The following GFOD1 variants were observed in gnomAD, a reference collection of about 807,000 sequenced individuals.
The protein encoded by GFOD1 is glucose-fructose oxidoreductase domain-containing protein 1.
Under a neutral mutation model 25.4 loss-of-function variants are expected in GFOD1, and 9 were observed. The observed-to-expected ratio is 0.35, with a 90% CI of 0.21 to 0.62. The LOEUF (loss-of-function observed/expected upper bound fraction) is 0.62, where lower values mean the gene tolerates loss of function less well. Among genes scored for constraint, GFOD1 ranks in the 20% least tolerant of loss-of-function variants. GFOD1 has a pLI of 0.72. For synonymous variants in GFOD1, 253 were observed against 245.6 expected (o/e 1.03, Z -0.28); for missense variants, 403 against 556.9 (o/e 0.72, Z 2.78).
intron 1 of GFOD1, among the ~76,000 whole-genome samples, chr6:13,424,956 C>CTTTTTTTT (rs571287840): frequency 1.6e-5 from 2 of 123,900 alleles, no homozygotes; most frequent in African/African-American, 6.4e-5. Context: ...ACATTTAATT[C>CTTTTTTTT]TTTTTTTTTT....
chr6:13,367,029 AT>A (rs1785061670), intron 1 of GFOD1, among the ~76,000 whole-genome samples: 1 of 151,972 alleles, frequency 6.6e-6, no homozygotes, highest in Non-Finnish European at 1.5e-5. Context: ...AAAGTATACA[AT>A]ATAATCTTTT....
At chr6:13,395,862 C>T (rs889347665) in intron 1 of GFOD1, among the ~76,000 whole-genome samples, 1 of 152,296 alleles carries the variant, frequency 6.6e-6, no homozygotes, top group Admixed American at 6.5e-5. Context: ...CCACTCAGGC[C>T]GTGGTAGCCC....
Position 13,409,153 on chromosome 6 carries a change from G to GAAAGAAAGAAAA in GFOD1, c.254-43492_254-43491insTTTTCTTTCTTT. On this transcript the variant is annotated intron_variant, in intron 1 of 1. Coordinates refer to ENST00000379287, the MANE Select transcript of GFOD1 (RefSeq NM_018988.4). ...AGAAAGAAAGAAAGAAAGAAAGAGAGGAAAGAAAGAAAGGAAAGAGAGAGA... is the reference window on the plus strand; with the variant it reads ...AGAAAGAAAGAAAGAAAGAAAGAGAGAAAGAAAGAAAAGAAAGAAAGAAAGGAAAGAGAGAGA... Among the ~76,000 whole-genome samples the GAAAGAAAGAAAA allele has an allele frequency of 4.5e-5, 2 of 44,510 alleles. 1 individual carries two copies. The highest frequency in any genetic ancestry group is 6.2e-4 in the Admixed American group (2 of 3,212). The allele number at this position is 44,510 out of a possible 152,430, so 29.2% of individuals were successfully genotyped here.
intron 1 of GFOD1, among the ~76,000 whole-genome samples, chr6:13,479,319 A>G (rs570770816): frequency 6.6e-6 from 1 of 152,264 alleles, no homozygotes; most frequent in South Asian, 2.1e-4. Context: ...CTCTCATTTT[A>G]CTTATCACAC....
intron 1 of GFOD1, among the ~76,000 whole-genome samples, chr6:13,427,479 G>A (rs962676788): frequency 2.0e-5 from 3 of 152,004 alleles, no homozygotes; most frequent in African/African-American, 7.3e-5. Flanking sequence ...GGGCAATATG[G>A]TGAAATCTCA....
At chr6:13,457,468 G>A (rs1205396300) in intron 1 of GFOD1, among the ~76,000 whole-genome samples, 3 of 152,104 alleles carry the variant, frequency 2.0e-5, no homozygotes, top group Non-Finnish European at 2.9e-5. Context: ...CCCAACCCAG[G>A]GTCCTCCTGA....
At chr6:13,437,991 T>C (rs1757860085) in intron 1 of GFOD1, among the ~76,000 whole-genome samples, 1 of 152,054 alleles carries the variant, frequency 6.6e-6, no homozygotes, top group Non-Finnish European at 1.5e-5. Flanking sequence ...CAAAGAAAAA[T>C]ACAAACTATG....
chr6:13,463,014 GCT>G, intron 1 of GFOD1, among the ~76,000 whole-genome samples: 1 of 152,350 alleles, frequency 6.6e-6, no homozygotes, highest in South Asian at 2.1e-4. Flanking sequence ...GCAGAGAGCA[GCT>G]CTCTTTTCAA....
chr6:13,444,651 T>C (rs1757974669), intron 1 of GFOD1, among the ~76,000 whole-genome samples: 1 of 152,160 alleles, frequency 6.6e-6, no homozygotes, highest in East Asian at 1.9e-4. Context: ...ATATAGAACG[T>C]TTTATGTCTA....
At chr6:13,368,306 CT>C (rs573418315) in intron 1 of GFOD1, among the ~76,000 whole-genome samples, 6 of 152,200 alleles carry the variant, frequency 3.9e-5, no homozygotes, top group Non-Finnish European at 5.9e-5. Context: ...GCTGGTGCCC[CT>C]GATGGCCATG....
intron 1 of GFOD1, among the ~76,000 whole-genome samples, chr6:13,429,401 A>ACTATTGAATGCAATTGAATGC (rs1484220369): frequency 6.6e-6 from 1 of 152,244 alleles, no homozygotes; most frequent in African/African-American, 2.4e-5. Context: ...AGAACGACAA[A>ACTATTGAATGCAATTGAATGC]CTATTGAATG....
At chr6:13,477,893 A>G (rs995856291) in intron 1 of GFOD1, among the ~76,000 whole-genome samples, 4 of 151,914 alleles carry the variant, frequency 2.6e-5, no homozygotes, top group South Asian at 2.1e-4. Context: ...TGGCGACCCC[A>G]TCTCTATCAA....
chr6:13,434,634 C>T (rs1283010515), intron 1 of GFOD1, among the ~76,000 whole-genome samples: 1 of 152,028 alleles, frequency 6.6e-6, no homozygotes, highest in Admixed American at 6.6e-5. Context: ...GTGCAGGGTA[C>T]ATGGGAGCAC....
intron 1 of GFOD1, among the ~76,000 whole-genome samples, chr6:13,402,965 G>A (rs1388794802): frequency 6.6e-6 from 1 of 152,118 alleles, no homozygotes; most frequent in Non-Finnish European, 1.5e-5. Flanking sequence ...AACAAAAGGT[G>A]GTACAGTCAT....
At chr6:13,464,831 G>T (rs1758351267) in intron 1 of GFOD1, among the ~76,000 whole-genome samples, 1 of 151,880 alleles carries the variant, frequency 6.6e-6, no homozygotes, top group Non-Finnish European at 1.5e-5. Context: ...CTACCCTGCA[G>T]GGCTTCCCTG....
intron 1 of GFOD1, among the ~76,000 whole-genome samples, chr6:13,483,215 G>A (rs1217778330): frequency 2.0e-5 from 3 of 152,054 alleles, no homozygotes; most frequent in Non-Finnish European, 4.4e-5. Context: ...GGGTATGTAG[G>A]GTGGGGGGTT....
In GFOD1 at chr6:13,399,343, C is replaced by G. The variant is rs529467759; in HGVS notation, c.254-33681G>C. ...GATTTTTAATAAAGTAAAACAAAGG[C>G]TTACTCTAAAGCCCAGCAATTCCAC... On this transcript the variant is annotated intron_variant, in intron 1 of 1. Transcript: ENST00000379287. Among the ~76,000 whole-genome samples the G allele has an allele frequency of 2.6e-5, 4 of 152,252 alleles. No homozygotes were observed. The South Asian group carries it at 8.3e-4, about 32-fold the overall frequency.
At chr6:13,411,871 C>T (rs1486960872) in intron 1 of GFOD1, among the ~76,000 whole-genome samples, 6 of 152,202 alleles carry the variant, frequency 3.9e-5, no homozygotes, top group Non-Finnish European at 1.5e-5. Flanking sequence ...GAGCAGGAAG[C>T]CCAGAGCACG....
intron 1 of GFOD1, among the ~76,000 whole-genome samples, chr6:13,387,276 T>C (rs1382151597): frequency 8.5e-5 from 13 of 152,112 alleles, no homozygotes; most frequent in Non-Finnish European, 1.6e-4. Flanking sequence ...CAAGGGAATG[T>C]CGGATCCTGA....
Sources: gnomAD v4.1 joint callset for allele counts (sites outside exome capture counted in the v4.1 genomes callset) on GRCh38, gnomAD v4.1.1 for gene constraint, MANE v1.5 for transcripts, NCBI Gene and HGNC (gene_info 2026-07-23, HGNC 2026-07-21) for gene names.